RUFY4: variants seen among roughly 807,000 people sequenced by gnomAD.
The protein encoded by RUFY4 is RUN and FYVE domain containing 4, also known as RUN and FYVE domain-containing protein 4.
Under a neutral mutation model 69.0 loss-of-function variants are expected in RUFY4, and 73 were observed. The observed-to-expected ratio is 1.06, with a 90% CI of 0.88 to 1.29. The LOEUF (loss-of-function observed/expected upper bound fraction) is 1.29. RUFY4 is among the 50% of genes most tolerant of loss of function. RUFY4 has a pLI of 0.00. For synonymous variants in RUFY4, 287 were observed against 271.8 expected, an observed-to-expected ratio of 1.06 and a Z score of -0.55; for missense variants, 770 against 705.6, an observed-to-expected ratio of 1.09 and a Z score of -1.03.
intron 2 of RUFY4, among the ~76,000 whole-genome samples, chr2:218,053,068 T>C (rs1688982239): frequency 2.0e-5 from 3 of 152,098 alleles, no homozygotes; most frequent in South Asian, 4.1e-4. Flanking sequence ...CAAGGAATCC[T>C]CCTACCTCAG....
chr2:218,036,595 G>A (rs996003462), intron 2 of RUFY4, among the ~76,000 whole-genome samples: 5 of 152,198 alleles, frequency 3.3e-5, no homozygotes, highest in African/African-American at 7.2e-5. Flanking sequence ...TGGGTTTGAT[G>A]TGACAGAACC....
intron 2 of RUFY4, among the ~76,000 whole-genome samples, chr2:218,044,555 A>G (rs1335114321): frequency 2.0e-5 from 3 of 152,086 alleles, no homozygotes; most frequent in Non-Finnish European, 2.9e-5. Flanking sequence ...CCTAGTACCC[A>G]TTAGTTATTT....
At chr2:218,041,676 G>C (rs767340815) in intron 2 of RUFY4, among the ~76,000 whole-genome samples, 1 of 151,840 alleles carries the variant, frequency 6.6e-6, no homozygotes, top group Non-Finnish European at 1.5e-5. Context: ...TAAGTTTGTT[G>C]GCTACTTCTG....
chr2:218,081,811 T>G (rs1391311466), intron 8 of RUFY4, among the ~76,000 whole-genome samples: 1 of 152,254 alleles, frequency 6.6e-6, no homozygotes, highest in Non-Finnish European at 1.5e-5. Context: ...CTTTGGAATG[T>G]CAGTGGCTGA....
chr2:218,084,945 G>A (rs1689857536), intron 9 of RUFY4, among the ~76,000 whole-genome samples: 1 of 152,156 alleles, frequency 6.6e-6, no homozygotes, highest in Non-Finnish European at 1.5e-5. Context: ...CTATTCAAGA[G>A]GCTGAGGCAG....
intron 8 of RUFY4, 105 bp from the exon 11 acceptor site, chr2:218,083,005 C>A: frequency 7.9e-7 from 1 of 1,270,442 alleles, no homozygotes; most frequent in Non-Finnish European, 1.0e-6. Flanking sequence ...CCGGGGGCAT[C>A]ACCAGCGTCT....
At chr2:218,089,360 C>G in exon 10 of RUFY4, 1 of 1,613,230 alleles carries the variant, frequency 6.2e-7, no homozygotes, top group Non-Finnish European at 8.5e-7. Context: ...GGTATCCATG[C>G]AGGTAAAGGG....
intron 2 of RUFY4, among the ~76,000 whole-genome samples, chr2:218,037,111 G>A (rs1958990756): frequency 6.6e-6 from 1 of 152,100 alleles, no homozygotes; most frequent in African/African-American, 2.4e-5. Context: ...TTGAGGTCAG[G>A]AGTTCGAGAC....
intron 2 of RUFY4, among the ~76,000 whole-genome samples, chr2:218,052,726 A>C (rs1161410503): frequency 2.0e-5 from 3 of 147,014 alleles, no homozygotes; most frequent in Non-Finnish European, 3.0e-5. Context: ...CAAGACCTCT[A>C]TCTCACTTTT....
chr2:218,060,190 T>C (rs1689148655), intron 3 of RUFY4: 1 of 637,484 alleles, frequency 1.6e-6, no homozygotes, highest in African/African-American at 1.8e-5. Flanking sequence ...CAAGGGAAAC[T>C]AGTAAGAACG....
At chr2:218,036,194 G>A (rs1574488372) in intron 2 of RUFY4, among the ~76,000 whole-genome samples, 1 of 152,350 alleles carries the variant, frequency 6.6e-6, no homozygotes, top group African/African-American at 2.4e-5. Flanking sequence ...GTCGCCCAGG[G>A]ACTGCTCAAT....
intron 2 of RUFY4, among the ~76,000 whole-genome samples, chr2:218,047,289 C>A (rs187026375): frequency 6.6e-6 from 1 of 152,190 alleles, no homozygotes; most frequent in Admixed American, 6.5e-5. Flanking sequence ...AACTTTGCAC[C>A]AGTACATCAC....
At position 218,088,968 on chromosome 2, in the gene RUFY4, C is replaced by CCTCT. The variant is rs36011581; in HGVS notation, c.1503-273_1503-270dup. Among the ~76,000 whole-genome samples, 90 of 149,716 alleles carry CCTCT rather than the reference C, an allele frequency of 6.0e-4. 1 individual carries two copies. Among genetic ancestry groups the CCTCT allele is most frequent in the Non-Finnish European group, 3.4e-4 (23 of 67,278 alleles). On this transcript the variant is annotated intron_variant, in intron 9 of 10. Coordinates refer to ENST00000344321, the Ensembl canonical transcript of RUFY4. ...CTCCCTCTTTCCCCTTCTCTCCACC[C>CCTCT]CTCTCTCTCTCTCTGAGTAACCATC...
chr2:218,086,277 CAT>C (rs1335911042), intron 9 of RUFY4, among the ~76,000 whole-genome samples: 4 of 152,068 alleles, frequency 2.6e-5, no homozygotes, highest in Non-Finnish European at 4.4e-5. Context: ...ACAAATGAAA[CAT>C]AGCAAAAATT....
intron 2 of RUFY4, among the ~76,000 whole-genome samples, chr2:218,045,278 A>C (rs1259603502): frequency 6.6e-6 from 1 of 152,226 alleles, no homozygotes; most frequent in Non-Finnish European, 1.5e-5. Flanking sequence ...TCTCTAGACA[A>C]GAAGTCAAGC....
intron 6 of RUFY4, 129 bp downstream of exon 8, chr2:218,074,014 A>C: frequency 1.1e-6 from 1 of 919,644 alleles, no homozygotes; most frequent in Non-Finnish European, 1.7e-6. Context: ...AGACAGAGCA[A>C]GAGGCCAGTG....
At chr2:218,035,842 C>G (rs1958968320) in intron 2 of RUFY4, among the ~76,000 whole-genome samples, 1 of 152,250 alleles carries the variant, frequency 6.6e-6, no homozygotes, top group Non-Finnish European at 1.5e-5. Flanking sequence ...TGCAACCTCT[C>G]CTCAAAGAAC....
chr2:218,043,437 G>A (rs1688748196), intron 2 of RUFY4, among the ~76,000 whole-genome samples: 1 of 151,810 alleles, frequency 6.6e-6, no homozygotes, highest in African/African-American at 2.4e-5. Context: ...TCTCAGCAGA[G>A]AGGGTAGCTC....
intron 3 of RUFY4, chr2:218,059,660 C>T (rs1689138713): frequency 6.0e-6 from 1 of 166,982 alleles, no homozygotes; most frequent in African/African-American, 2.4e-5. Flanking sequence ...TTTGCTTAGC[C>T]ATGCATTCAT....
Sources: allele counts gnomAD v4.1 joint callset (sites outside exome capture counted in the v4.1 genomes callset), GRCh38; gene constraint gnomAD v4.1.1; transcripts MANE v1.5; gene names NCBI Gene and HGNC (gene_info 2026-07-23, HGNC 2026-07-21).